Variants in RGS6 observed in about 807,000 individuals in gnomAD.
RGS6 encodes regulator of G protein signaling 6, also known as regulator of G-protein signaling 6.
Under a neutral mutation model 78.5 loss-of-function variants are expected in RGS6, and 30 were observed. That is an observed-to-expected ratio of 0.38 (90% CI 0.29 to 0.52). The LOEUF (loss-of-function observed/expected upper bound fraction) is 0.52. RGS6 is among the 20% of genes least tolerant of loss of function. The probability of loss-of-function intolerance (pLI) is 0.85; values close to 1 mark genes in which losing one functional copy is unlikely to be tolerated. For synonymous variants in RGS6, 206 were observed against 206.0 expected, an observed-to-expected ratio of 1.00 and a Z score of 0.00; for missense variants, 495 against 609.7, an observed-to-expected ratio of 0.81 and a Z score of 1.98.
chr14:72,465,606 GTGGATGGGTGGATGGGTGGA>G, intron 6 of RGS6, 132 bp from the exon 7 acceptor site: 1 of 524,826 alleles, frequency 1.9e-6, no homozygotes, highest in Non-Finnish European at 3.4e-6. Flanking sequence ...GGATGGTTGG[GTGGATGGGTGGATGGGTGGA>G]TGGATGGATG....
At chr14:72,101,081 C>T (rs892056097) in intron 2 of RGS6, among the ~76,000 whole-genome samples, 4 of 152,100 alleles carry the variant, frequency 2.6e-5, no homozygotes, top group Admixed American at 6.5e-5. Flanking sequence ...ATCACCTGAG[C>T]CTGGGAGGAT....
chr14:72,535,140 T>G (rs888468317), intron 15 of RGS6, among the ~76,000 whole-genome samples: 1 of 152,212 alleles, frequency 6.6e-6, no homozygotes. Context: ...AGGACAGATC[T>G]GTTTGGAAGG....
intron 2 of RGS6, among the ~76,000 whole-genome samples, chr14:72,269,962 G>A (rs1455282020): frequency 6.6e-6 from 1 of 152,180 alleles, no homozygotes; most frequent in African/African-American, 2.4e-5. Flanking sequence ...TAGCATATAT[G>A]TCCTGCCCTC....
chr14:72,534,129 C>G (rs2097215514), intron 15 of RGS6, among the ~76,000 whole-genome samples: 1 of 152,350 alleles, frequency 6.6e-6, no homozygotes, highest in East Asian at 1.9e-4. Context: ...GTCACCTCGG[C>G]CTTCGGCAAT....
intron 13 of RGS6, among the ~76,000 whole-genome samples, chr14:72,502,829 C>A (rs2096746263): frequency 6.6e-6 from 1 of 152,072 alleles, no homozygotes; most frequent in East Asian, 1.9e-4. Context: ...GTATTCAGGA[C>A]CCTCAGGTTG....
At chr14:72,069,161 TG>T (rs1452741842) in intron 2 of RGS6, among the ~76,000 whole-genome samples, 2 of 151,830 alleles carry the variant, frequency 1.3e-5, no homozygotes, top group Non-Finnish European at 2.9e-5. Flanking sequence ...TTAGTAGAGA[TG>T]GGGTTTCACC....
At chr14:72,060,670 C>T (rs556118469) in intron 2 of RGS6, among the ~76,000 whole-genome samples, 1 of 152,270 alleles carries the variant, frequency 6.6e-6, no homozygotes, top group South Asian at 2.1e-4. Flanking sequence ...AGATCTTACA[C>T]CAAGTGCCTA....
At chr14:72,547,250 G>A (rs1177252465) in intron 17 of RGS6, 13 of 1,535,434 alleles carry the variant, frequency 8.5e-6, no homozygotes, top group Admixed American at 7.8e-5. Context: ...CTGGCAAGGC[G>A]ACAGCACTGC....
chr14:71,971,693 G>C (rs950363033), intron 2 of RGS6, among the ~76,000 whole-genome samples: 2 of 152,190 alleles, frequency 1.3e-5, no homozygotes, highest in African/African-American at 4.8e-5. Flanking sequence ...TTAAAAGGCT[G>C]TGATCAAGAT....
At chr14:72,325,042 G>A (rs576171975) in intron 2 of RGS6, among the ~76,000 whole-genome samples, 9 of 152,248 alleles carry the variant, frequency 5.9e-5, no homozygotes, top group East Asian at 3.9e-4. Context: ...TTTAATGGTC[G>A]CCATTTTAAC....
In RGS6 at chr14:72,369,799, A is replaced by G. The variant is rs186930595; in HGVS notation, c.184+17605A>G. On this transcript the variant is annotated intron_variant, in intron 3 of 17. Coordinates refer to ENST00000553525, the MANE Select transcript of RGS6 (RefSeq NM_001204424.2). ...TATCTTTTGGATATCATAACTAATCATATTATTTCCACGTTCGTGATGGAA... is the reference window on the plus strand; with the variant it reads ...TATCTTTTGGATATCATAACTAATCGTATTATTTCCACGTTCGTGATGGAA... Among the ~76,000 whole-genome samples, 495 of 152,322 alleles carry G rather than the reference A, an allele frequency of 3.2e-3. 5 individuals are homozygous for G. The highest frequency in any genetic ancestry group is 0.011 in the African/African-American group (474 of 41,584).
chr14:72,314,387 G>A lies in RGS6; in HGVS notation c.85-37708G>A, dbSNP rs937139666. Among the ~76,000 whole-genome samples, 23 of 152,180 alleles carry A rather than the reference G, an allele frequency of 1.5e-4. 1 individual carries two copies. The highest frequency in any genetic ancestry group is 1.4e-3 in the Admixed American group (22 of 15,282). ...GAAATGAGGGAAGAAACAGTATCCA[G>A]CCTATTGTTGTCTTTTCTTGGGAAA... On this transcript the variant is annotated intron_variant, in intron 2 of 17. Transcript: ENST00000553525.
intron 3 of RGS6, among the ~76,000 whole-genome samples, chr14:72,358,906 C>T (rs1221359489): frequency 6.6e-6 from 1 of 152,138 alleles, no homozygotes; most frequent in Admixed American, 6.5e-5. Context: ...ATTTGTAATT[C>T]CCATAGTCCC....
At chr14:72,282,214 G>T (rs1044759463) in intron 2 of RGS6, among the ~76,000 whole-genome samples, 1 of 152,148 alleles carries the variant, frequency 6.6e-6, no homozygotes, top group African/African-American at 2.4e-5. Context: ...TGTGATGGCT[G>T]TTTGGTCCTG....
intron 12 of RGS6, among the ~76,000 whole-genome samples, chr14:72,479,244 A>AT (rs2096313485): frequency 6.6e-6 from 1 of 152,212 alleles, no homozygotes; most frequent in African/African-American, 2.4e-5. Flanking sequence ...AATGGAAGGT[A>AT]TAAAAACTCC....
the RGS6 span, among the ~76,000 whole-genome samples, chr14:72,598,942 G>C: frequency 6.6e-6 from 1 of 152,178 alleles, no homozygotes; most frequent in Non-Finnish European, 1.5e-5. Flanking sequence ...GCAGCCACAG[G>C]ATTCTCTATT....
chr14:71,896,112 T>G, the RGS6 span, among the ~76,000 whole-genome samples: 1 of 152,122 alleles, frequency 6.6e-6, no homozygotes, highest in Admixed American at 6.5e-5. Context: ...GTAAATTTTC[T>G]AGAAAGTGTT....
chr14:72,541,282 G>T (rs1283162183), intron 17 of RGS6: 1 of 931,418 alleles, frequency 1.1e-6, no homozygotes, highest in African/African-American at 1.8e-5. Flanking sequence ...AAGGCTCCTG[G>T]GTTGAAAGCA....
At chr14:72,530,745 A>G (rs1388175305) in intron 15 of RGS6, among the ~76,000 whole-genome samples, 3 of 152,200 alleles carry the variant, frequency 2.0e-5, no homozygotes, top group African/African-American at 4.8e-5. Context: ...CCAAAGACCA[A>G]TGATACCCCT....
Sources: allele counts gnomAD v4.1 joint callset (sites outside exome capture counted in the v4.1 genomes callset), GRCh38; gene constraint gnomAD v4.1.1; transcripts MANE v1.5; gene names NCBI Gene and HGNC (gene_info 2026-07-23, HGNC 2026-07-21).